ALDH3B2: variants seen among roughly 807,000 people sequenced by gnomAD.
The protein encoded by ALDH3B2 is aldehyde dehydrogenase family 3 member B2.
ALDH3B2 carries 45 observed loss-of-function variants against 36.7 expected under a neutral mutation model. That is an observed-to-expected ratio of 1.23 (90% CI 0.97 to 1.57). The LOEUF (loss-of-function observed/expected upper bound fraction) is 1.57. ALDH3B2 is among the 40% of genes most tolerant of loss of function. The probability of loss-of-function intolerance (pLI) is 0.00; values close to 1 mark genes in which losing one functional copy is unlikely to be tolerated. For synonymous variants in ALDH3B2, 217 were observed against 226.5 expected (o/e 0.96, Z 0.38); for missense variants, 464 against 513.3 (o/e 0.90, Z 0.93).
chr11:67,671,576 C>T (rs1285771090), intron 1 of ALDH3B2, among the ~76,000 whole-genome samples: 4 of 138,690 alleles, frequency 2.9e-5, no homozygotes, highest in Non-Finnish European at 4.6e-5. Context: ...AACGGAGTTT[C>T]GCTCTTGTTG....
Position 67,674,465 on chromosome 11 carries a change from C to T in ALDH3B2, c.-273G>A, listed in dbSNP as rs1484830900. On this transcript the variant is annotated 5_prime_UTR_variant, in exon 1 of 10. Coordinates refer to ENST00000349015, the Ensembl canonical transcript of ALDH3B2. ...GCGTGGGCTCTGCCCCTGGGTCCTT[C>T]GCTGCACCTCCACTCCCTTTCTTGG... 6.0e-4 allele frequency: 92 copies of T among 154,246 alleles called. 1 individual carries two copies. Among genetic ancestry groups the T allele is most frequent in the East Asian group, 1.9e-4 (1 of 5,236 alleles). The allele number at this position is 154,246 out of a possible 1,614,324, so 9.6% of individuals were successfully genotyped here. A position where few individuals can be genotyped will look rare whatever the true frequency, so the allele number is the denominator to read the frequency against.
chr11:67,678,220 A>G (rs1360436516), upstream of ALDH3B2, among the ~76,000 whole-genome samples: 1 of 152,210 alleles, frequency 6.6e-6, no homozygotes, highest in Non-Finnish European at 1.5e-5. Flanking sequence ...ATTTCAAACT[A>G]TACTCTAAGG....
chr11:67,671,218 AGGCAGGTGG>A (rs1856100969), intron 1 of ALDH3B2: 1 of 152,276 alleles, frequency 6.6e-6, no homozygotes. Context: ...TTCCCAGGTG[AGGCAGGTGG>A]GGCAGAGGAA....
At chr11:67,665,316 C>T (rs1488952602) in exon 7 of ALDH3B2, 17 of 1,610,900 alleles carry the variant, frequency 1.1e-5, no homozygotes, top group Admixed American at 1.7e-5. Context: ...TGCTCTGGCC[C>T]CCAATGGCCA....
chr11:67,666,963 G>A (rs766688290), exon 3 of ALDH3B2: 127 of 1,613,988 alleles, frequency 7.9e-5, no homozygotes, highest in Non-Finnish European at 1.1e-4. Context: ...TGAGAGCGTA[G>A]TCAACCTCGT....
upstream of ALDH3B2, among the ~76,000 whole-genome samples, chr11:67,676,599 A>G (rs1175407125): frequency 6.6e-6 from 1 of 152,030 alleles, no homozygotes; most frequent in South Asian, 2.1e-4. Context: ...GAAATAACCA[A>G]GATTAGAGCA....
chr11:67,678,910 T>C (rs1404699967), upstream of ALDH3B2, among the ~76,000 whole-genome samples: 1 of 152,012 alleles, frequency 6.6e-6, no homozygotes, highest in Admixed American at 6.6e-5. Context: ...TTATTCTAAG[T>C]GAAGTAACTC....
At chr11:67,665,580 G>A (rs765056558) in exon 7 of ALDH3B2, 17 of 1,613,990 alleles carry the variant, frequency 1.1e-5, no homozygotes, top group South Asian at 4.4e-5. Flanking sequence ...TGTCGTCCAC[G>A]TAGCAGGGGT....
exon 2 of ALDH3B2, chr11:67,667,607 G>A (rs1475158799): frequency 5.6e-6 from 2 of 357,000 alleles, no homozygotes; most frequent in Non-Finnish European, 9.5e-6. Context: ...TCACGCAGCC[G>A]CCGCAGCGTG....
At chr11:67,680,464 T>C (rs1856349860) in intron 1 of ALDH3B2, among the ~76,000 whole-genome samples, 1 of 152,250 alleles carries the variant, frequency 6.6e-6, no homozygotes, top group African/African-American at 2.4e-5. Context: ...TCACCCAGGC[T>C]GGAGTGCAGT....
upstream of ALDH3B2, among the ~76,000 whole-genome samples, chr11:67,676,995 A>C (rs1856284977): frequency 6.6e-6 from 1 of 152,194 alleles, no homozygotes; most frequent in South Asian, 2.1e-4. Context: ...CAGGACCAGA[A>C]GGATTCACAG....
intron 1 of ALDH3B2, among the ~76,000 whole-genome samples, chr11:67,674,063 A>G (rs1309568886): frequency 1.3e-5 from 2 of 152,182 alleles, no homozygotes; most frequent in East Asian, 3.8e-4. Context: ...TCCTGATCAC[A>G]GCCCTGGTGC....
rs1258054934 is a variant in ALDH3B2 at position 67,672,061 on chromosome 11, A to ATGTATG, written c.-245+2375_-245+2376insCATACA. 1.5e-4 allele frequency among the ~76,000 whole-genome samples: 11 copies of ATGTATG among 75,564 alleles called. No individual in the cohort carries two copies. The East Asian group carries it at 4.1e-3, about 28-fold the overall frequency. The allele number at this position is 75,564 out of a possible 152,430, so 49.6% of individuals were successfully genotyped here. A position where few individuals can be genotyped will look rare whatever the true frequency, so the allele number is the denominator to read the frequency against. On this transcript the variant is annotated intron_variant, in intron 1 of 9. Coordinates refer to ENST00000349015, the Ensembl canonical transcript of ALDH3B2. ...GTACTTCATATATATATATATATAT[A>ATGTATG]TATATATATATATATATATATATAT...
At chr11:67,668,520 C>CTGTGTCTTTGTGTATCCGTGTGTCTGTG (rs1187939222) in intron 1 of ALDH3B2, among the ~76,000 whole-genome samples, 5 of 152,094 alleles carry the variant, frequency 3.3e-5, no homozygotes, top group African/African-American at 7.2e-5. Context: ...TGCGCAAATC[C>CTGTGTCTTTGTGTATCCGTGTGTCTGTG]TGTGTCTTTG....
At chr11:67,677,806 A>G (rs569068433), upstream of ALDH3B2, among the ~76,000 whole-genome samples, 1 of 152,328 alleles carries the variant, frequency 6.6e-6, no homozygotes, top group South Asian at 2.1e-4. Context: ...CTATCCACCA[A>G]CAGCGACCAA....
chr11:67,671,009 G>C (rs115626499), intron 1 of ALDH3B2: 1 of 152,566 alleles, frequency 6.6e-6, no homozygotes, highest in Non-Finnish European at 1.5e-5. Context: ...GCGAGCGTCA[G>C]CAGCCTCCAC....
chr11:67,679,806 G>A (rs6591274), intron 1 of ALDH3B2, among the ~76,000 whole-genome samples: 146,409 of 152,264 alleles, frequency 0.96, 70,642 homozygotes, highest in Non-Finnish European at 1. Flanking sequence ...GCTGCATTTT[G>A]TGCGAAAAAA....
In ALDH3B2 at chr11:67,666,712, C is replaced by T. The variant is rs538601956; in HGVS notation, c.31-18G>A. 3.7e-6 allele frequency: 6 copies of T among 1,613,680 alleles called. No individual in the cohort carries two copies. The highest frequency in any genetic ancestry group is 5.1e-6 in the Non-Finnish European group (6 of 1,179,790). ...TTCATGAACTGAGGCACAGGGTAGA[C>T]AGTGAGGCCCTGCCAAGGGCCACCC... On this transcript the variant is annotated intron_variant, in intron 3 of 9. Coordinates refer to ENST00000349015, the Ensembl canonical transcript of ALDH3B2.
At chr11:67,667,314 G>A (rs1565247735) in intron 2 of ALDH3B2, among the ~76,000 whole-genome samples, 159 bp downstream of exon 2, 2 of 152,162 alleles carry the variant, frequency 1.3e-5, no homozygotes, top group South Asian at 4.1e-4. Context: ...AGGAGTGAAG[G>A]TCAGGTGCCT....
Sources: gnomAD v4.1 joint callset for allele counts (sites outside exome capture counted in the v4.1 genomes callset) on GRCh38, gnomAD v4.1.1 for gene constraint, MANE v1.5 for transcripts, NCBI Gene and HGNC (gene_info 2026-07-23, HGNC 2026-07-21) for gene names.